Variants in PDE1A observed in about 807,000 individuals in gnomAD.
The protein encoded by PDE1A is phosphodiesterase 1A, also known as dual specificity calcium/calmodulin-dependent 3',5'-cyclic nucleotide phosphodiesterase 1A.
PDE1A carries 35 observed loss-of-function variants against 61.7 expected under a neutral mutation model. That is an observed-to-expected ratio of 0.57 (90% CI 0.43 to 0.75). The LOEUF (loss-of-function observed/expected upper bound fraction) is 0.75. Ranked by LOEUF, PDE1A falls within the 30% of genes least tolerant of loss-of-function variation. The probability of loss-of-function intolerance (pLI) is 0.00; values close to 1 mark genes in which losing one functional copy is unlikely to be tolerated. For missense variants in PDE1A, 597 were observed against 630.6 expected, an observed-to-expected ratio of 0.95 and a Z score of 0.57; for synonymous variants, 232 against 213.2, an observed-to-expected ratio of 1.09 and a Z score of -0.77.
intron 13 of PDE1A, among the ~76,000 whole-genome samples, chr2:182,152,775 C>T (rs1047159204): frequency 3.3e-5 from 5 of 151,994 alleles, no homozygotes; most frequent in Admixed American, 6.6e-5. Flanking sequence ...TGTATGTGTT[C>T]GTTTACTTTG....
upstream of PDE1A, among the ~76,000 whole-genome samples, chr2:182,431,355 C>T (rs775679565): frequency 5.3e-5 from 8 of 152,048 alleles, no homozygotes; most frequent in Middle Eastern, 3.2e-3. Flanking sequence ...AAGAGTAAAA[C>T]GTGGGCATTA....
the PDE1A span, among the ~76,000 whole-genome samples, chr2:182,570,400 T>C: frequency 1.3e-5 from 2 of 152,216 alleles, no homozygotes; most frequent in Non-Finnish European, 2.9e-5. Context: ...TAGAGACAGT[T>C]GTAAATGACT....
chr2:182,602,179 C>G, the PDE1A span, among the ~76,000 whole-genome samples: 2 of 152,238 alleles, frequency 1.3e-5, no homozygotes, highest in Admixed American at 1.3e-4. Context: ...GGCAGGGGGG[C>G]CTTCCCGGGC....
intron 10 of PDE1A, among the ~76,000 whole-genome samples, chr2:182,195,950 G>C (rs1686102500): frequency 6.6e-6 from 1 of 152,068 alleles, no homozygotes; most frequent in Non-Finnish European, 1.5e-5. Flanking sequence ...CATACAGCAA[G>C]GAGTTTCAGG....
chr2:182,397,186 G>A (rs1701754452), intron 1 of PDE1A, among the ~76,000 whole-genome samples: 1 of 152,038 alleles, frequency 6.6e-6, no homozygotes, highest in South Asian at 2.1e-4. Flanking sequence ...ATTTTGAGAG[G>A]CAGCAAACTC....
chr2:182,297,530 T>C (rs919446748), intron 1 of PDE1A, among the ~76,000 whole-genome samples: 10 of 152,226 alleles, frequency 6.6e-5, no homozygotes, highest in African/African-American at 2.4e-4. Context: ...AGTAACAGTC[T>C]AACGTAGGAT....
intron 12 of PDE1A, 50 bp from the exon 13 acceptor site, chr2:182,186,129 G>A (rs1460434534): frequency 1.3e-6 from 2 of 1,575,648 alleles, no homozygotes; most frequent in East Asian, 2.2e-5. Flanking sequence ...GATATGGGGT[G>A]AACAAGGAAA....
In PDE1A at chr2:182,322,466, AC is replaced by A. The variant is rs377081551; in HGVS notation, c.54-58053del. On this transcript the variant is annotated intron_variant, in intron 1 of 13. Transcript: ENST00000351439. ...GTTTTATAAAGGGCAGTTCCCCTGC[AC>A]ATGCCCTCTTGCCTGCCGCCATGTA... Among the ~76,000 whole-genome samples, 373 of 152,322 alleles carry A rather than the reference AC, an allele frequency of 2.4e-3. 3 individuals carry two copies. The highest frequency in any genetic ancestry group is 8.4e-3 in the African/African-American group (351 of 41,572).
chr2:182,429,753 CA>C (rs1703834516), upstream of PDE1A, among the ~76,000 whole-genome samples: 3 of 152,212 alleles, frequency 2.0e-5, no homozygotes. Context: ...CATTAAGCAT[CA>C]TGGAGAAAAG....
intron 2 of PDE1A, among the ~76,000 whole-genome samples, chr2:182,260,958 T>C (rs1692180744): frequency 6.6e-6 from 1 of 152,234 alleles, no homozygotes; most frequent in Non-Finnish European, 1.5e-5. Flanking sequence ...GTAACTTTTC[T>C]GTGATTTAAG....
At chr2:182,512,017 C>T (rs1346727187) in intron 2 of PDE1A, among the ~76,000 whole-genome samples, 1 of 152,190 alleles carries the variant, frequency 6.6e-6, no homozygotes, top group South Asian at 2.1e-4. Flanking sequence ...GCAGATCCCA[C>T]CACTGCTGCT....
chr2:182,679,244 T>G, the PDE1A span, among the ~76,000 whole-genome samples: 1 of 150,864 alleles, frequency 6.6e-6, no homozygotes, highest in African/African-American at 2.4e-5. Context: ...AGTGCAGTGG[T>G]GCAATCTCGG....
At chr2:182,508,888 C>T (rs2125940119) in intron 2 of PDE1A, among the ~76,000 whole-genome samples, 1 of 150,216 alleles carries the variant, frequency 6.7e-6, no homozygotes, top group African/African-American at 2.4e-5. Flanking sequence ...TATACATGTG[C>T]CATGCTGGTG....
At chr2:182,553,151 C>T in the PDE1A span, among the ~76,000 whole-genome samples, 7 of 152,328 alleles carry the variant, frequency 4.6e-5, no homozygotes, top group East Asian at 1.9e-4. Flanking sequence ...TAACACTCAC[C>T]GCATGGCCCA....
intron 1 of PDE1A, among the ~76,000 whole-genome samples, chr2:182,347,523 T>C (rs2125078962): frequency 6.6e-6 from 1 of 152,234 alleles, no homozygotes; most frequent in South Asian, 2.1e-4. Flanking sequence ...ACATACTTTC[T>C]TTGCCTCTGG....
chr2:182,288,056 G>A (rs1694282613), intron 1 of PDE1A, among the ~76,000 whole-genome samples: 1 of 137,542 alleles, frequency 7.3e-6, no homozygotes, highest in Non-Finnish European at 1.7e-5. Flanking sequence ...CCAAATTATT[G>A]GTACTTAAAA....
intron 1 of PDE1A, among the ~76,000 whole-genome samples, chr2:182,283,009 A>C (rs1208447587): frequency 6.6e-6 from 1 of 152,050 alleles, no homozygotes; most frequent in Non-Finnish European, 1.5e-5. Context: ...CATCTATATA[A>C]AGCTGGAAAT....
chr2:182,384,931 A>G (rs1315026977), intron 1 of PDE1A, among the ~76,000 whole-genome samples: 1 of 152,180 alleles, frequency 6.6e-6, no homozygotes. Flanking sequence ...AGAGAAAAGA[A>G]GGAAATAGCA....
chr2:182,373,003 T>C (rs570967954), intron 1 of PDE1A, among the ~76,000 whole-genome samples: 2 of 152,374 alleles, frequency 1.3e-5, no homozygotes, highest in South Asian at 2.1e-4. Flanking sequence ...GCCCAAGCCC[T>C]GTGCACTGGG....
Sources: allele counts gnomAD v4.1 joint callset (sites outside exome capture counted in the v4.1 genomes callset), GRCh38; gene constraint gnomAD v4.1.1; transcripts MANE v1.5; gene names NCBI Gene and HGNC (gene_info 2026-07-23, HGNC 2026-07-21).